PLCB4: variants seen among roughly 807,000 people sequenced by gnomAD.
PLCB4 encodes 1-phosphatidylinositol 4,5-bisphosphate phosphodiesterase beta-4.
In PLCB4, 77 loss-of-function variants were observed where a neutral mutation model predicts 178.8. The observed-to-expected ratio is 0.43, with a 90% CI of 0.36 to 0.52. The LOEUF (loss-of-function observed/expected upper bound fraction) is 0.52. Among genes scored for constraint, PLCB4 ranks in the 20% least tolerant of loss-of-function variants. The probability of loss-of-function intolerance (pLI) is 0.00; values close to 1 mark genes in which losing one functional copy is unlikely to be tolerated. For missense variants in PLCB4, 1,024 were observed against 1,453.4 expected (o/e 0.70, Z 4.80); for synonymous variants, 496 against 490.8 (o/e 1.01, Z -0.14).
At chr20:9,338,806 A>G (rs2032826607) in intron 6 of PLCB4, 88 bp from the exon 7 acceptor site, 2 of 999,450 alleles carry the variant, frequency 2.0e-6, no homozygotes, top group South Asian at 1.6e-5. Flanking sequence ...TTATTTTTAC[A>G]TTAAATGTGG....
At chr20:9,174,452 C>CTT (rs71184133) in intron 2 of PLCB4, among the ~76,000 whole-genome samples, 3 of 141,414 alleles carry the variant, frequency 2.1e-5, no homozygotes, top group Non-Finnish European at 4.6e-5. Flanking sequence ...GCCTATTCTT[C>CTT]TTTTTTTTTT....
intron 2 of PLCB4, among the ~76,000 whole-genome samples, chr20:9,162,814 C>G (rs1398939291): frequency 6.6e-6 from 1 of 151,936 alleles, no homozygotes; most frequent in Non-Finnish European, 1.5e-5. Flanking sequence ...AGCCTAAAAG[C>G]CTTATCTTGT....
chr20:9,346,926 C>T (rs915475183), intron 7 of PLCB4, among the ~76,000 whole-genome samples: 3 of 152,154 alleles, frequency 2.0e-5, no homozygotes, highest in Non-Finnish European at 4.4e-5. Flanking sequence ...CCATGACCAC[C>T]TTTTTCCTCT....
chr20:9,408,077 T>C lies in PLCB4; in HGVS notation c.1789+19T>C, dbSNP rs2039576196. 2 of 1,588,634 alleles carry C rather than the reference T, an allele frequency of 1.3e-6. No homozygotes were observed. Among genetic ancestry groups the C allele is most frequent in the Non-Finnish European group, 1.7e-6 (2 of 1,170,578 alleles). ...GCAGAAGGTAACACCAAAGGTTAAA[T>C]GCAGTCGCCTTTTTTGCTTGATTTT... On this transcript the variant is annotated intron_variant, in intron 22 of 39. Coordinates refer to ENST00000378473, the MANE Select transcript of PLCB4 (RefSeq NM_001377142.1).
In PLCB4 at chr20:9,338,060, T is replaced by C. The variant is rs1429731758; in HGVS notation, c.218T>C (p.Ile73Thr). 6.2e-7 allele frequency: 1 copy of C among 1,604,744 alleles called. No individual in the cohort carries two copies. Among genetic ancestry groups the C allele is most frequent in the Non-Finnish European group, 8.5e-7 (1 of 1,171,726 alleles). ...ATCAACAGTATTCGGTCGGGAGCCA[T>C]ACCAAAGGTACCTGTGATTGGTATT... ...SLINSIRSGAIPKDPKILAAL... is the reference protein window; with the variant it reads ...SLINSIRSGATPKDPKILAAL... The change falls in exon 6 of 40, where the codon ATA becomes ACA. Residue 73 changes from isoleucine (I) to threonine (T), a missense_variant. By Grantham distance (89) the Ile-to-Thr change is moderately conservative. Coordinates refer to ENST00000378473, the MANE Select transcript of PLCB4 (RefSeq NM_001377142.1).
rs374993719 is a variant in PLCB4 at position 9,378,314 on chromosome 20, A to C, written c.745-1740A>C. 5.9e-5 allele frequency among the ~76,000 whole-genome samples: 9 copies of C among 152,320 alleles called. No homozygotes were observed. The East Asian group carries it at 1.3e-3, about 23-fold the overall frequency. ...ATAAATAAAGTGGCCACCTATGAACATAACAGTGCTGGGGTCTAAAAAGGA... is the reference window on the plus strand; with the variant it reads ...ATAAATAAAGTGGCCACCTATGAACCTAACAGTGCTGGGGTCTAAAAAGGA... On this transcript the variant is annotated intron_variant, in intron 12 of 39. Transcript: ENST00000378473.
At chr20:9,386,575 G>C (rs1337104849) in intron 14 of PLCB4, among the ~76,000 whole-genome samples, 2 of 151,678 alleles carry the variant, frequency 1.3e-5, no homozygotes, top group Non-Finnish European at 2.9e-5. Flanking sequence ...GAATACCTGA[G>C]TATGAATCAC....
At chr20:9,074,531 A>G (rs114878267) in intron 1 of PLCB4, among the ~76,000 whole-genome samples, 24 of 152,306 alleles carry the variant, frequency 1.6e-4, no homozygotes, top group African/African-American at 5.1e-4. Context: ...CATACAAAGC[A>G]GCCTGAGAAA....
At chr20:9,288,467 A>G (rs1477415040) in intron 3 of PLCB4, among the ~76,000 whole-genome samples, 1 of 150,836 alleles carries the variant, frequency 6.6e-6, no homozygotes, top group African/African-American at 2.4e-5. Flanking sequence ...AATCTTGATA[A>G]TTTGTCTTAT....
At chr20:9,401,457 G>T in intron 19 of PLCB4, 33 bp from the exon 20 acceptor site, 3 of 1,423,210 alleles carry the variant, frequency 2.1e-6, no homozygotes, top group Non-Finnish European at 2.0e-6. Flanking sequence ...CAGTGGTTTG[G>T]TGTCATGGAT....
At chr20:9,075,877 T>A (rs2089837621) in intron 1 of PLCB4, among the ~76,000 whole-genome samples, 1 of 152,200 alleles carries the variant, frequency 6.6e-6, no homozygotes, top group Non-Finnish European at 1.5e-5. Context: ...CAAAGCATGT[T>A]TGTGGTTTGA....
chr20:9,386,473 ATACTT>A (rs1048935415), intron 14 of PLCB4, among the ~76,000 whole-genome samples: 4 of 152,082 alleles, frequency 2.6e-5, no homozygotes, highest in African/African-American at 4.8e-5. Context: ...AAATTAAACA[ATACTT>A]TATTTTTTTA....
At chr20:9,384,068 GA>G in intron 13 of PLCB4, 132 bp from the exon 14 acceptor site, 2 of 669,062 alleles carry the variant, frequency 3.0e-6, no homozygotes, top group Middle Eastern at 2.7e-4. Flanking sequence ...TCTGACAGAT[GA>G]AAGTTCTTGG....
intron 9 of PLCB4, among the ~76,000 whole-genome samples, chr20:9,366,985 A>G (rs2035840801): frequency 6.6e-6 from 1 of 152,250 alleles, no homozygotes; most frequent in South Asian, 2.1e-4. Flanking sequence ...GTGTGGATGC[A>G]TTGAGCAGTG....
intron 14 of PLCB4, among the ~76,000 whole-genome samples, chr20:9,385,357 G>A (rs571577891): frequency 2.7e-3 from 407 of 152,128 alleles, no homozygotes; most frequent in African/African-American, 9.2e-3. Context: ...CAGATGGGGC[G>A]GCCTGGCAGA....
chr20:9,453,437 C>A lies in PLCB4; in HGVS notation c.2971C>A (p.Leu991Ile). The A allele has an allele frequency of 6.2e-7, 1 of 1,605,128 alleles. No individual in the cohort carries two copies. The highest frequency in any genetic ancestry group is 8.5e-7 in the Non-Finnish European group (1 of 1,172,696). ...DKEKSTHEKI[L>I]EKAMKKKGGS... is the part of the protein sequence containing the mutation. ...AGAGAAGTCGACTCATGAGAAAATC[C>A]TAGAGAAGGCAATGAAGAAGAAGGG... Residue 991 changes from leucine (L) to isoleucine (I), a missense_variant, in exon 33 of 40, where the codon CTA becomes ATA. Physicochemically the swap from Leu to Ile is conservative, Grantham distance 5 (BLOSUM62 2). Coordinates refer to ENST00000378473, the MANE Select transcript of PLCB4 (RefSeq NM_001377142.1).
chr20:9,280,492 C>A (rs1320954888), intron 3 of PLCB4: 1 of 978,212 alleles, frequency 1.0e-6, no homozygotes, highest in South Asian at 4.7e-5. Flanking sequence ...TGTCTCTGTC[C>A]TAATTTCACT....
At chr20:9,327,609 T>C (rs184795397) in intron 4 of PLCB4, among the ~76,000 whole-genome samples, 416 of 150,300 alleles carry the variant, frequency 2.8e-3, no homozygotes, top group Non-Finnish European at 2.3e-3. Flanking sequence ...ACCCCATCTC[T>C]ACTAAAAATA....
intron 4 of PLCB4, among the ~76,000 whole-genome samples, chr20:9,324,533 C>T (rs2030091341): frequency 6.6e-6 from 1 of 152,210 alleles, no homozygotes; most frequent in African/African-American, 2.4e-5. Context: ...TTCCCATTCT[C>T]ATTTCCCTAA....
Sources: gnomAD v4.1 joint callset for allele counts (sites outside exome capture counted in the v4.1 genomes callset) on GRCh38, gnomAD v4.1.1 for gene constraint, MANE v1.5 for transcripts, NCBI Gene and HGNC (gene_info 2026-07-23, HGNC 2026-07-21) for gene names.